ADGRG1: variants seen among roughly 807,000 people sequenced by gnomAD.
ADGRG1 encodes adhesion G protein-coupled receptor G1.
ADGRG1 carries 53 observed loss-of-function variants against 73.5 expected under a neutral mutation model. The observed-to-expected ratio is 0.72, with a 90% CI of 0.58 to 0.91. The LOEUF (loss-of-function observed/expected upper bound fraction) is 0.91, where lower values mean the gene tolerates loss of function less well. ADGRG1 is among the 40% of genes least tolerant of loss of function. The pLI is 0.00. For missense variants in ADGRG1, 795 were observed against 871.8 expected, an observed-to-expected ratio of 0.91 and a Z score of 1.11; for synonymous variants, 394 against 374.4, an observed-to-expected ratio of 1.05 and a Z score of -0.60.
chr16:57,641,016 C>T (rs2040690095), intron 1 of ADGRG1: 1 of 985,474 alleles, frequency 1.0e-6, no homozygotes, highest in Non-Finnish European at 1.2e-6. Flanking sequence ...CTAGAGGGGT[C>T]AGGGGAGACG....
chr16:57,642,358 C>T (rs2041056756), intron 1 of ADGRG1: 4 of 985,328 alleles, frequency 4.1e-6, no homozygotes, highest in Non-Finnish European at 4.8e-6. Flanking sequence ...TGGGGAATGC[C>T]TAAGTGTCTC....
Position 57,652,976 on chromosome 16 carries a change from G to A in ADGRG1, c.488-227G>A, listed in dbSNP as rs1445200214. ...AGCAAGGCACATCCCACCCCATCCC[G>A]CTGGGGCTGGCATTGCTGGCGGGTT... is the stretch of plus-strand genomic sequence containing the variant. On this transcript the variant is annotated intron_variant, in intron 3 of 13. Coordinates refer to ENST00000562631, the MANE Select transcript of ADGRG1 (RefSeq NM_201525.4). 3.0e-5 allele frequency: 42 copies of A among 1,408,076 alleles called. 1 individual carries two copies. The highest frequency in any genetic ancestry group is 5.4e-4 in the Middle Eastern group (2 of 3,726). 87.2% of individuals were successfully genotyped at this position (1,408,076 alleles called of 1,614,324 possible).
chr16:57,641,788 T>C (rs1198120733), intron 1 of ADGRG1: 1 of 166,728 alleles, frequency 6.0e-6, no homozygotes, highest in African/African-American at 2.4e-5. Flanking sequence ...TGGTCTCGAA[T>C]TCCTGGCCTC....
chr16:57,642,563 T>C (rs2041126953), intron 1 of ADGRG1: 1 of 966,120 alleles, frequency 1.0e-6, no homozygotes, highest in Non-Finnish European at 1.2e-6. Flanking sequence ...AACCAAGCTT[T>C]ATGGGTTTCT....
chr16:57,637,157 C>T (rs2039566248), intron 1 of ADGRG1: 2 of 220,484 alleles, frequency 9.1e-6, no homozygotes, highest in Admixed American at 1.3e-4. Flanking sequence ...GGCTTGTGGT[C>T]ACTGGCTTGT....
At chr16:57,630,100 C>T (rs191215299) in intron 1 of ADGRG1, 124 of 783,682 alleles carry the variant, frequency 1.6e-4, no homozygotes, top group Middle Eastern at 6.4e-4. Context: ...TGTGCTCTGT[C>T]GGGAACATGG....
intron 1 of ADGRG1, 71 bp downstream of exon 1, chr16:57,628,873 CGTGAGTGT>C (rs2036513714): frequency 2.1e-5 from 18 of 877,924 alleles, no homozygotes; most frequent in South Asian, 5.6e-5. Flanking sequence ...AGTGTGTGAG[CGTGAGTGT>C]GTGAGAGTGT....
chr16:57,661,877 G>T lies in ADGRG1; in HGVS notation c.1845G>T (p.Leu615=). The T allele has an allele frequency of 6.2e-7, 1 of 1,614,244 alleles. No individual in the cohort carries two copies. Among genetic ancestry groups the T allele is most frequent in the Admixed American group, 1.7e-5 (1 of 60,030 alleles). Reference sequence around the variant, plus strand: ...TGGGCCTCAGCCTGGTCCTTGGCCTGCCCTGGGCCTTGATCTTCTTCTCCT... The same window carrying T: ...TGGGCCTCAGCCTGGTCCTTGGCCTTCCCTGGGCCTTGATCTTCTTCTCCT... ...TLLGLSLVLG[L]PWALIFFSFA... The change falls in exon 13 of 14, where the codon CTG becomes CTT. Residue 615 remains leucine (L), a synonymous_variant. Transcript: ENST00000562631.
At chr16:57,628,096 C>T (rs1278042888), upstream of ADGRG1, 9 of 984,478 alleles carry the variant, frequency 9.1e-6, no homozygotes, top group Non-Finnish European at 1.1e-5. Context: ...GCCGGTCAGT[C>T]GTGCGTGGCC....
intron 2 of ADGRG1, chr16:57,622,610 T>G (rs115672562): frequency 0.018 from 3,337 of 185,118 alleles, 123 homozygotes; most frequent in African/African-American, 0.073. Flanking sequence ...GGGAAGGGCT[T>G]ATTAGAGGTG....
intron 1 of ADGRG1, among the ~76,000 whole-genome samples, chr16:57,644,603 A>G (rs1043244249): frequency 4.6e-5 from 6 of 129,566 alleles, no homozygotes; most frequent in Admixed American, 3.1e-4. Flanking sequence ...CACTCATGCA[A>G]GGGCACACAC....
chr16:57,654,200 T>A, intron 5 of ADGRG1, 67 bp downstream of exon 5: 1 of 1,510,976 alleles, frequency 6.6e-7, no homozygotes, highest in Middle Eastern at 1.8e-4. Context: ...GTGGGGGCTG[T>A]GAGCACTCCC....
At chr16:57,648,469 G>T in intron 1 of ADGRG1, 1 of 980,156 alleles carries the variant, frequency 1.0e-6, no homozygotes, top group Non-Finnish European at 1.2e-6. Context: ...CAAGGCCTGA[G>T]AAATTGGGGT....
Position 57,651,529 on chromosome 16 carries a change from G to A in ADGRG1, c.394G>A (p.Gly132Ser), listed in dbSNP as rs1254650671. The A allele has an allele frequency of 1.2e-6, 2 of 1,614,210 alleles. No individual in the cohort carries two copies. The highest frequency in any genetic ancestry group is 1.7e-5 in the Admixed American group (1 of 60,022). Reference protein sequence around the residue: ...FQHQEESLAQGPPLLATSVTS... With the variant: ...FQHQEESLAQSPPLLATSVTS... Reference sequence around the variant, plus strand: ...GCACCAGGAGGAGAGCCTGGCTCAGGGCCCCCCGCTGTTAGCCACTTCTGT... The same window carrying A: ...GCACCAGGAGGAGAGCCTGGCTCAGAGCCCCCCGCTGTTAGCCACTTCTGT... Residue 132 changes from glycine to serine, a missense_variant, in exon 3 of 14, where the codon GGC (glycine) becomes AGC (serine). Physicochemically the swap from Gly to Ser is moderately conservative, Grantham distance 56. Transcript: ENST00000562631.
At position 57,665,101 on chromosome 16, in the gene ADGRG1, A is replaced by G. The variant is rs11645934; in HGVS notation, c.*1519A>G. ...TTCTATTGAAAGAGTCACTGATACT[A>G]ATACAAATACCTTGGGGCCAATCAG... On this transcript the variant is annotated 3_prime_UTR_variant, in exon 14 of 14. Transcript: ENST00000562631. 0.64 allele frequency: 96,593 copies of G among 151,768 alleles called. 31,217 individuals carry two copies. Among genetic ancestry groups the G allele is most frequent in the East Asian group, 0.94 (4,895 of 5,180 alleles). The allele number at this position is 151,768 out of a possible 1,614,324, so 9.4% of individuals were successfully genotyped here. A position where few individuals can be genotyped will look rare whatever the true frequency, so the allele number is the denominator to read the frequency against.
At chr16:57,656,102 A>C (rs1209451927) in intron 7 of ADGRG1, 110 bp downstream of exon 7, 2 of 1,612,940 alleles carry the variant, frequency 1.2e-6, no homozygotes, top group Non-Finnish European at 1.7e-6. Context: ...TGCCTGATCG[A>C]GCAGTCAGGT....
upstream of ADGRG1, chr16:57,620,105 C>T (rs1168999118): frequency 6.6e-6 from 1 of 152,316 alleles, no homozygotes; most frequent in Non-Finnish European, 1.5e-5. Context: ...CACACAGGCA[C>T]AGGCCGGTGA....
chr16:57,642,841 C>T (rs1371956682), intron 1 of ADGRG1: 1 of 156,076 alleles, frequency 6.4e-6, no homozygotes, highest in Non-Finnish European at 1.4e-5. Flanking sequence ...CATTACTTAA[C>T]CTCTTTGGGC....
rs7500932 is a variant in ADGRG1, at chr16:57,628,963, A to T, written c.-36+161A>T. On this transcript the variant is annotated intron_variant, in intron 1 of 13. Coordinates refer to ENST00000562631, the MANE Select transcript of ADGRG1 (RefSeq NM_201525.4). ...GAGCGTGAGAGTGTGAGAGTGTGTG[A>T]GTGTGAGTGTGTGAGAGTGAGTGAG... The T allele has an allele frequency of 8.6e-5, 51 of 592,170 alleles. No homozygotes were observed. The African/African-American group carries it at 1.1e-3, about 13-fold the overall frequency. 36.7% of individuals were successfully genotyped at this position (592,170 alleles called of 1,614,324 possible). A position where few individuals can be genotyped will look rare whatever the true frequency, so the allele number is the denominator to read the frequency against.
Sources: gnomAD v4.1 joint callset for allele counts (sites outside exome capture counted in the v4.1 genomes callset) on GRCh38, gnomAD v4.1.1 for gene constraint, MANE v1.5 for transcripts, NCBI Gene and HGNC (gene_info 2026-07-23, HGNC 2026-07-21) for gene names.